The following SLC28A3 variants were observed in gnomAD, a reference collection of about 807,000 sequenced individuals.
SLC28A3 encodes concentrative Na(+)-nucleoside cotransporter 3.
A neutral mutation model predicts 84.2 loss-of-function variants in SLC28A3; 68 were observed. That is an observed-to-expected ratio of 0.81 (90% CI 0.66 to 0.99). SLC28A3 has a LOEUF of 0.99. Ranked by LOEUF, SLC28A3 falls within the 50% of genes least tolerant of loss-of-function variation. SLC28A3 has a pLI of 0.00. For synonymous variants in SLC28A3, 267 were observed against 303.6 expected, an observed-to-expected ratio of 0.88 and a Z score of 1.25; for missense variants, 712 against 841.5, an observed-to-expected ratio of 0.85 and a Z score of 1.90.
chr9:84,306,448 C>T (rs370013502), intron 3 of SLC28A3, among the ~76,000 whole-genome samples: 5 of 152,322 alleles, frequency 3.3e-5, no homozygotes, highest in East Asian at 1.9e-4. Flanking sequence ...TGCATTTTCT[C>T]AGACAGATAC....
At chr9:84,282,954 T>C (rs1824816720) in intron 14 of SLC28A3, among the ~76,000 whole-genome samples, 1 of 152,218 alleles carries the variant, frequency 6.6e-6, no homozygotes, top group Admixed American at 6.5e-5. Context: ...GAAAAAAATA[T>C]TTCAAGTAGG....
chr9:84,337,286 G>A (rs1303299293), intron 1 of SLC28A3, among the ~76,000 whole-genome samples: 1 of 152,020 alleles, frequency 6.6e-6, no homozygotes, highest in Non-Finnish European at 1.5e-5. Context: ...CTTCTTAGAG[G>A]CGGCCATATC....
chr9:84,358,273 A>G, the SLC28A3 span, among the ~76,000 whole-genome samples: 3 of 152,158 alleles, frequency 2.0e-5, no homozygotes, highest in Non-Finnish European at 4.4e-5. Flanking sequence ...ACAGCCTTAC[A>G]TACAGTCCAG....
intron 1 of SLC28A3, among the ~76,000 whole-genome samples, chr9:84,330,597 C>CA (rs1341776814): frequency 1.3e-5 from 2 of 152,136 alleles, no homozygotes; most frequent in Non-Finnish European, 2.9e-5. Context: ...TATTGAAAAA[C>CA]AGGCATGTTT....
intron 1 of SLC28A3, among the ~76,000 whole-genome samples, chr9:84,333,266 T>C (rs1826853661): frequency 6.6e-6 from 1 of 152,218 alleles, no homozygotes; most frequent in Non-Finnish European, 1.5e-5. Flanking sequence ...ATCAATTACA[T>C]TGCCATGGTG....
At chr9:84,309,784 G>T in intron 2 of SLC28A3, 70 bp from the exon 3 acceptor site, 2 of 1,352,440 alleles carry the variant, frequency 1.5e-6, no homozygotes, top group Non-Finnish European at 2.1e-6. Context: ...TGGTTTCATT[G>T]CTCAGAACTC....
chr9:84,338,760 G>A (rs1462736374), intron 1 of SLC28A3, among the ~76,000 whole-genome samples: 4 of 152,098 alleles, frequency 2.6e-5, no homozygotes, highest in Admixed American at 6.6e-5. Flanking sequence ...GAATCAGAAT[G>A]GGCCCATGCT....
chr9:84,319,124 T>G (rs1826274779), intron 1 of SLC28A3, among the ~76,000 whole-genome samples: 1 of 152,048 alleles, frequency 6.6e-6, no homozygotes, highest in South Asian at 2.1e-4. Flanking sequence ...AAAGAAAACG[T>G]AGGAGGTAGG....
In SLC28A3 at chr9:84,335,749, A is replaced by C. The variant is rs929805841; in HGVS notation, c.60+4825T>G. 2.7e-5 allele frequency among the ~76,000 whole-genome samples: 4 copies of C among 148,736 alleles called. No homozygotes were observed. The East Asian group carries it at 7.8e-4, about 29-fold the overall frequency. Reference sequence around the variant, plus strand: ...TGTGTGTGTGTGTGTGTGTGTATAAAATGTCCATTATACATATATAATATT... The same window carrying C: ...TGTGTGTGTGTGTGTGTGTGTATAACATGTCCATTATACATATATAATATT... On this transcript the variant is annotated intron_variant, in intron 1 of 17. Coordinates refer to ENST00000376238, the MANE Select transcript of SLC28A3 (RefSeq NM_001199633.2).
chr9:84,348,483 C>A, the SLC28A3 span, among the ~76,000 whole-genome samples: 2 of 152,088 alleles, frequency 1.3e-5, no homozygotes, highest in African/African-American at 4.8e-5. Flanking sequence ...CTGCTGCCTG[C>A]AAAATGAGGT....
chr9:84,297,868 C>T (rs758943161), intron 7 of SLC28A3, 38 bp downstream of exon 7: 9 of 1,527,724 alleles, frequency 5.9e-6, no homozygotes, highest in African/African-American at 1.4e-5. Context: ...ATGTTAAAAG[C>T]ACCATAAAAG....
At chr9:84,361,741 A>G in the SLC28A3 span, among the ~76,000 whole-genome samples, 1 of 151,558 alleles carries the variant, frequency 6.6e-6, no homozygotes, top group Non-Finnish European at 1.5e-5. Flanking sequence ...CTGAGTTTTC[A>G]GCTGTGGAAA....
At position 84,340,608 on chromosome 9, in the gene SLC28A3, G is replaced by C. The variant is rs752708129; in HGVS notation, c.26C>G (p.Pro9Arg). ...CACGTTGCTGTAGCCCTCAGCTCTG[G>C]GGGCTGCTGTACTCCTCAGCTCCAT... MELRSTAA[P>R]RAEGYSNVGF... is the part of the protein sequence containing the mutation. Residue 9 changes from proline (P) to arginine (R), a missense_variant, in exon 1 of 18, where the codon CCC (proline) becomes CGC (arginine). Pro to Arg is a moderately radical substitution (Grantham distance 103). Coordinates refer to ENST00000376238, the MANE Select transcript of SLC28A3 (RefSeq NM_001199633.2). The C allele has an allele frequency of 1.2e-6, 2 of 1,614,156 alleles. No individual in the cohort carries two copies. The highest frequency in any genetic ancestry group is 4.5e-5 in the East Asian group (2 of 44,878).
chr9:84,284,759 T>A (rs1040586372), intron 14 of SLC28A3, among the ~76,000 whole-genome samples: 3 of 152,144 alleles, frequency 2.0e-5, no homozygotes, highest in African/African-American at 7.2e-5. Context: ...CCTGACATAA[T>A]TATGGGTGCT....
intron 1 of SLC28A3, among the ~76,000 whole-genome samples, chr9:84,322,341 C>T (rs991603949): frequency 2.0e-5 from 3 of 152,194 alleles, no homozygotes; most frequent in Non-Finnish European, 4.4e-5. Flanking sequence ...AGCCCCTAAG[C>T]TAATTCAAAG....
At chr9:84,322,111 T>C (rs945721560) in intron 1 of SLC28A3, among the ~76,000 whole-genome samples, 19 of 152,246 alleles carry the variant, frequency 1.2e-4, no homozygotes, top group African/African-American at 4.1e-4. Context: ...GTAAAAGATA[T>C]TAAGAGGCTA....
At chr9:84,342,681 A>T (rs1262402671), upstream of SLC28A3, among the ~76,000 whole-genome samples, 1 of 151,794 alleles carries the variant, frequency 6.6e-6, no homozygotes, top group Non-Finnish European at 1.5e-5. Context: ...CTTGGTTTCC[A>T]AAAGTGCTGG....
chr9:84,287,075 G>A (rs146449023), intron 12 of SLC28A3, among the ~76,000 whole-genome samples: 54 of 152,198 alleles, frequency 3.5e-4, no homozygotes, highest in African/African-American at 1.2e-3. Flanking sequence ...GTGGTGCTGC[G>A]TGCCTGTAGT....
chr9:84,311,803 C>A (rs946245722), intron 2 of SLC28A3, among the ~76,000 whole-genome samples: 2 of 152,202 alleles, frequency 1.3e-5, no homozygotes, highest in Admixed American at 1.3e-4. Flanking sequence ...CTGCAGTGAG[C>A]TGAGATTGTG....
Sources: allele counts gnomAD v4.1 joint callset (sites outside exome capture counted in the v4.1 genomes callset), GRCh38; gene constraint gnomAD v4.1.1; transcripts MANE v1.5; gene names NCBI Gene and HGNC (gene_info 2026-07-23, HGNC 2026-07-21).